The following CABLES1 variants were observed in gnomAD, a reference collection of about 807,000 sequenced individuals.
CABLES1 encodes the protein Cdk5 and Abl enzyme substrate 1.
A neutral mutation model predicts 57.8 loss-of-function variants in CABLES1; 36 were observed. The observed-to-expected ratio is 0.62, with a 90% CI of 0.48 to 0.82. CABLES1 has a LOEUF of 0.82. CABLES1 is among the 40% of genes least tolerant of loss of function. The pLI, the probability that CABLES1 is intolerant of heterozygous loss-of-function variation, is 0.00. For missense variants in CABLES1, 767 were observed against 836.6 expected, an observed-to-expected ratio of 0.92 and a Z score of 1.03; for synonymous variants, 374 against 363.0, an observed-to-expected ratio of 1.03 and a Z score of -0.35.
At chr18:23,158,469 A>G (rs1413064043) in intron 1 of CABLES1, among the ~76,000 whole-genome samples, 1 of 152,246 alleles carries the variant, frequency 6.6e-6, no homozygotes, top group Non-Finnish European at 1.5e-5. Flanking sequence ...TGTTGAGGCC[A>G]TCAGTGATGA....
intron 3 of CABLES1, among the ~76,000 whole-genome samples, chr18:23,195,163 A>G (rs933754618): frequency 6.6e-6 from 1 of 152,230 alleles, no homozygotes; most frequent in Admixed American, 6.5e-5. Flanking sequence ...CAGACAACAG[A>G]TAGATCAGAA....
chr18:23,202,984 C>CA (rs34495738), intron 3 of CABLES1, among the ~76,000 whole-genome samples: 2,426 of 115,318 alleles, frequency 0.021, 35 homozygotes, highest in African/African-American at 0.045. Flanking sequence ...AAGACTCCAT[C>CA]AAAAAAAAAA....
At position 23,218,330 on chromosome 18, in the gene CABLES1, G is replaced by A. The variant is rs78813703; in HGVS notation, c.1088+4276G>A. On this transcript the variant is annotated intron_variant, in intron 4 of 9. Coordinates refer to ENST00000256925, the MANE Select transcript of CABLES1 (RefSeq NM_001100619.3). ...CGCATCCTCACTTGCCCTGCCTCCC[G>A]CATCCTCACTTGCCCTGCCTCCCGC... Among the ~76,000 whole-genome samples, 21 of 101,566 alleles carry A rather than the reference G, an allele frequency of 2.1e-4. No homozygotes were observed. In the East Asian group the frequency reaches 4.0e-3, roughly 19 times the overall value. The allele number at this position is 101,566 out of a possible 152,430, so 66.6% of individuals were successfully genotyped here.
chr18:23,212,088 A>G (rs559811669), intron 3 of CABLES1, among the ~76,000 whole-genome samples: 1 of 152,368 alleles, frequency 6.6e-6, no homozygotes, highest in African/African-American at 2.4e-5. Flanking sequence ...GTAGACAGCC[A>G]TGCATGGGGT....
intron 4 of CABLES1, chr18:23,219,401 G>A (rs756173106): frequency 6.2e-5 from 28 of 448,132 alleles, no homozygotes; most frequent in Admixed American, 1.7e-4. Context: ...CAGCGAAGGC[G>A]ATTCTTCAGT....
At chr18:23,182,524 G>A (rs376623657) in intron 1 of CABLES1, among the ~76,000 whole-genome samples, 7 of 152,292 alleles carry the variant, frequency 4.6e-5, no homozygotes, top group Non-Finnish European at 8.8e-5. Flanking sequence ...CTAAAACCCC[G>A]TTTATCCAGC....
In CABLES1 at chr18:23,230,813, A is replaced by G. The variant is rs572390252; in HGVS notation, c.1089-3795A>G. ...AAAGAAGGGCCTGGAACCTACTGTA[A>G]TGCCTAGGATTTGGGGAACACATGC... On this transcript the variant is annotated intron_variant, in intron 4 of 9. Coordinates refer to ENST00000256925, the MANE Select transcript of CABLES1 (RefSeq NM_001100619.3). Among the ~76,000 whole-genome samples, 7 of 152,226 alleles carry G rather than the reference A, an allele frequency of 4.6e-5. No individual in the cohort carries two copies. The South Asian group carries it at 1.5e-3, about 32-fold the overall frequency.
intron 1 of CABLES1, among the ~76,000 whole-genome samples, chr18:23,186,193 GT>G (rs2047201361): frequency 6.6e-6 from 1 of 152,234 alleles, no homozygotes. Flanking sequence ...AGAGCCTAGA[GT>G]TGGGACACTC....
chr18:23,207,353 T>A (rs547545976), intron 3 of CABLES1, among the ~76,000 whole-genome samples: 1 of 152,292 alleles, frequency 6.6e-6, no homozygotes, highest in Non-Finnish European at 1.5e-5. Context: ...TTCACTCAGT[T>A]CCTTGAATAG....
chr18:23,184,364 T>G (rs1292277864), intron 1 of CABLES1, among the ~76,000 whole-genome samples: 2 of 151,792 alleles, frequency 1.3e-5, no homozygotes, highest in Non-Finnish European at 2.9e-5. Context: ...AGTTCAGACT[T>G]CTATAATGAA....
intron 7 of CABLES1, among the ~76,000 whole-genome samples, chr18:23,237,715 C>T (rs2047637436): frequency 6.6e-6 from 1 of 152,264 alleles, no homozygotes; most frequent in Non-Finnish European, 1.5e-5. Context: ...GTGGGTGTTA[C>T]ATGCAAAACC....
Position 23,257,298 on chromosome 18 carries a change from G to C in CABLES1, c.1833G>C (p.Leu611Phe). The C allele has an allele frequency of 6.2e-7, 1 of 1,613,974 alleles. No homozygotes were observed. The highest frequency in any genetic ancestry group is 8.5e-7 in the Non-Finnish European group (1 of 1,179,978). Residue 611 changes from leucine (L) to phenylalanine (F), a missense_variant, in exon 10 of 10, where the codon TTG becomes TTC. Around this residue, in one of 4 missense-constraint regions of CABLES1, gnomAD observed 15 missense variants for 41.0 expected, o/e 0.37. Coordinates refer to ENST00000256925, the MANE Select transcript of CABLES1 (RefSeq NM_001100619.3). ...TTGAATTCCCGGTGTTAGTGGCCTT[G>C]GAATTCGCCCTCCACTTGCCCGAGC... ...IAFEFPVLVALEFALHLPEHE... is the reference protein window; with the variant it reads ...IAFEFPVLVAFEFALHLPEHE...
At chr18:23,193,208 T>C (rs78046762) in intron 2 of CABLES1, among the ~76,000 whole-genome samples, 2 of 151,590 alleles carry the variant, frequency 1.3e-5, no homozygotes, top group Admixed American at 6.6e-5. Context: ...TTTTTTTTTT[T>C]CCAGACTGTG....
chr18:23,202,043 G>GAGGAAGGAAGGA (rs55652834), intron 3 of CABLES1, among the ~76,000 whole-genome samples: 15 of 151,888 alleles, frequency 9.9e-5, no homozygotes, highest in African/African-American at 2.9e-4. Context: ...AGGTGATTGA[G>GAGGAAGGAAGGA]AGGAAGGAAG....
chr18:23,208,267 C>T (rs1219516658), intron 3 of CABLES1, among the ~76,000 whole-genome samples: 2 of 152,236 alleles, frequency 1.3e-5, no homozygotes, highest in East Asian at 3.9e-4. Context: ...TGCCCTTGTA[C>T]TCAGATGAGG....
In CABLES1 at chr18:23,141,845, C is replaced by T. The variant is rs536938570; in HGVS notation, c.845+5238C>T. 1.6e-3 allele frequency among the ~76,000 whole-genome samples: 240 copies of T among 152,170 alleles called. No individual in the cohort carries two copies. The Middle Eastern group carries it at 0.027, about 17-fold the overall frequency. ...GCTCAGTAGCTTTCCCAGGAAGCGCCGATGCCTGGACTTTTTTTCTCTCTT... is the reference window on the plus strand; with the variant it reads ...GCTCAGTAGCTTTCCCAGGAAGCGCTGATGCCTGGACTTTTTTTCTCTCTT... On this transcript the variant is annotated intron_variant, in intron 1 of 9. Coordinates refer to ENST00000256925, the MANE Select transcript of CABLES1 (RefSeq NM_001100619.3).
intron 1 of CABLES1, among the ~76,000 whole-genome samples, chr18:23,182,764 C>T (rs942217896): frequency 6.6e-6 from 1 of 152,244 alleles, no homozygotes; most frequent in Non-Finnish European, 1.5e-5. Flanking sequence ...CGTTGTCCTT[C>T]GGACTGAGCT....
At chr18:23,215,816 C>T (rs1314049420) in intron 4 of CABLES1, among the ~76,000 whole-genome samples, 4 of 150,996 alleles carry the variant, frequency 2.6e-5, no homozygotes, top group South Asian at 4.2e-4. Flanking sequence ...TGCAGTGGTG[C>T]GATCTCGGCT....
At chr18:23,192,750 G>A (rs1489419993) in intron 2 of CABLES1, among the ~76,000 whole-genome samples, 2 of 152,200 alleles carry the variant, frequency 1.3e-5, no homozygotes, top group Admixed American at 1.3e-4. Context: ...TTCTTTGCGT[G>A]TGTGTGACAG....
Sources: allele counts gnomAD v4.1 joint callset (sites outside exome capture counted in the v4.1 genomes callset), GRCh38; gene constraint gnomAD v4.1.1; regional missense constraint gnomAD v4.1.1; transcripts MANE v1.5; gene names NCBI Gene and HGNC (gene_info 2026-07-23, HGNC 2026-07-21).